DMTF1: variants seen among roughly 807,000 people sequenced by gnomAD.
DMTF1 encodes the protein cyclin-D-binding Myb-like transcription factor 1.
Under a neutral mutation model 91.1 loss-of-function variants are expected in DMTF1, and 39 were observed. The ratio of observed to expected loss-of-function variants is 0.43; its 90% CI spans 0.33 to 0.56. DMTF1 has a LOEUF of 0.56. DMTF1 is among the 20% of genes least tolerant of loss of function. The probability of loss-of-function intolerance (pLI) is 0.05; values close to 1 mark genes in which losing one functional copy is unlikely to be tolerated. For missense variants in DMTF1, 750 were observed against 914.5 expected, an observed-to-expected ratio of 0.82 and a Z score of 2.32; for synonymous variants, 338 against 309.5, an observed-to-expected ratio of 1.09 and a Z score of -0.97.
At chr7:87,182,928 G>T (rs73206986) in intron 10 of DMTF1, among the ~76,000 whole-genome samples, 2 of 152,160 alleles carry the variant, frequency 1.3e-5, no homozygotes, top group Non-Finnish European at 2.9e-5. Context: ...TAATCTTTGC[G>T]ACCAACAACG....
intron 12 of DMTF1, 93 bp downstream of exon 12, chr7:87,186,073 A>C: frequency 7.3e-7 from 1 of 1,362,812 alleles, no homozygotes; most frequent in Non-Finnish European, 1.0e-6. Flanking sequence ...CCCCAGCTAG[A>C]GATATCATAG....
rs1316064073 is a variant in DMTF1, at chr7:87,190,994, C to G, written c.1461C>G (p.Asn487Lys). 6.2e-7 allele frequency: 1 copy of G among 1,609,590 alleles called. No individual in the cohort carries two copies. Among genetic ancestry groups the G allele is most frequent in the Non-Finnish European group, 8.5e-7 (1 of 1,177,248 alleles). Residue 487 changes from asparagine to lysine, a missense_variant, in exon 14 of 18, where the codon AAC becomes AAG. Asn to Lys is a moderately conservative substitution (Grantham distance 94). Transcript: ENST00000331242. ...ATVDSETITL[N>K]SGTLQTFEIL... ...TTGACTCAGAAACAATAACACTAAACAGTGGAACACTACAGACATTTGAGA... is the reference window on the plus strand; with the variant it reads ...TTGACTCAGAAACAATAACACTAAAGAGTGGAACACTACAGACATTTGAGA...
intron 5 of DMTF1, 94 bp downstream of exon 5, chr7:87,171,183 G>A (rs995681230): frequency 9.9e-6 from 8 of 810,962 alleles, no homozygotes; most frequent in Admixed American, 7.9e-5. Flanking sequence ...CCCAAGTAGC[G>A]AGGACTACTG....
rs1003083775 is a variant in DMTF1, at chr7:87,164,951, G to A, written c.10G>A (p.Val4Met). The change falls in exon 3 of 18, where the codon GTG (valine) becomes ATG (methionine). Residue 4 changes from valine to methionine, a missense_variant. Val to Met is a conservative substitution (Grantham distance 21, BLOSUM62 1). Coordinates refer to ENST00000331242, the MANE Select transcript of DMTF1 (RefSeq NM_001142327.2). The part of the protein sequence containing the change: MST[V>M]EEDSDTVTVE... ...TTGTACAGATTTGAGTATGAGCACA[G>A]TGGAAGAGGATTCTGACACAGTAAC... 1.9e-6 allele frequency: 3 copies of A among 1,607,902 alleles called. No homozygotes were observed. Among genetic ancestry groups the A allele is most frequent in the Non-Finnish European group, 2.5e-6 (3 of 1,176,714 alleles).
chr7:87,188,914 T>C (rs1465064365), intron 13 of DMTF1, among the ~76,000 whole-genome samples: 2 of 152,172 alleles, frequency 1.3e-5, no homozygotes, highest in Non-Finnish European at 2.9e-5. Flanking sequence ...TCTTGAATTA[T>C]AGTGACAAAA....
intron 1 of DMTF1, 167 bp downstream of exon 1, chr7:87,152,722 G>C (rs1789471631): frequency 6.5e-6 from 1 of 154,002 alleles, no homozygotes; most frequent in East Asian, 1.9e-4. Flanking sequence ...CGTTGCAGCT[G>C]CCGTCCCCGC....
Position 87,195,294 on chromosome 7 carries a change from T to A in DMTF1, c.*154T>A. ...ACACATTGTTGCTGCTATGACTTTTTACCTCCTTTAAACACATCATCTGAG... is the reference window on the plus strand; with the variant it reads ...ACACATTGTTGCTGCTATGACTTTTAACCTCCTTTAAACACATCATCTGAG... On this transcript the variant is annotated 3_prime_UTR_variant, in exon 18 of 18. Transcript: ENST00000331242. 1.7e-6 allele frequency: 1 copy of A among 594,368 alleles called. No individual in the cohort carries two copies. Among genetic ancestry groups the A allele is most frequent in the Non-Finnish European group, 3.0e-6 (1 of 335,086 alleles). The allele number at this position is 594,368 out of a possible 1,614,324, so 36.8% of individuals were successfully genotyped here.
intron 1 of DMTF1, among the ~76,000 whole-genome samples, chr7:87,156,755 A>G (rs117626648): frequency 9.2e-5 from 14 of 152,274 alleles, no homozygotes; most frequent in Non-Finnish European, 1.3e-4. Context: ...TTTCAAAATA[A>G]ACATATCTTA....
chr7:87,187,985 A>C (rs1162641383), intron 12 of DMTF1, 107 bp from the exon 13 acceptor site: 3 of 765,526 alleles, frequency 3.9e-6, no homozygotes, highest in African/African-American at 1.8e-5. Flanking sequence ...GTATGCAGTT[A>C]TTTATTCCAA....
chr7:87,182,982 TC>T (rs1395527394), intron 10 of DMTF1, among the ~76,000 whole-genome samples: 1 of 151,798 alleles, frequency 6.6e-6, no homozygotes, highest in Non-Finnish European at 1.5e-5. Context: ...TTTCTGAGCC[TC>T]ACTTCCTTCT....
chr7:87,182,245 G>A lies in DMTF1; in HGVS notation c.728G>A (p.Gly243Asp). The A allele has an allele frequency of 6.2e-7, 1 of 1,614,100 alleles. No homozygotes were observed. Among genetic ancestry groups the A allele is most frequent in the South Asian group, 1.1e-5 (1 of 91,088 alleles). Residue 243 changes from glycine to aspartate, a missense_variant, in exon 10 of 18, where the codon GGC becomes GAC. Gly to Asp is a moderately conservative substitution (Grantham distance 94). Around this residue, in one of 3 missense-constraint regions of DMTF1, gnomAD observed 190 missense variants for 343.8 expected, o/e 0.55. Transcript: ENST00000331242. ...TGTTTTAGGCTCCGGATAAAGCATG[G>A]CAATGACTGGGCAACAATAGGGGCG... ...EKLKELRIKHGNDWATIGAAL... is the reference protein window; with the variant it reads ...EKLKELRIKHDNDWATIGAAL...
At chr7:87,165,306 C>G (rs1320329755) in intron 3 of DMTF1, among the ~76,000 whole-genome samples, 19 of 152,008 alleles carry the variant, frequency 1.2e-4, no homozygotes. Context: ...CTAATTGGTA[C>G]CAGCAGCATA....
At chr7:87,157,379 G>C (rs570176872) in intron 1 of DMTF1, among the ~76,000 whole-genome samples, 1 of 152,238 alleles carries the variant, frequency 6.6e-6, no homozygotes, top group African/African-American at 2.4e-5. Context: ...TTCCTGTGCT[G>C]CTCATGATTG....
Position 87,169,733 on chromosome 7 carries a change from TC to T in DMTF1, c.233-1259del, listed in dbSNP as rs1554337375. Among the ~76,000 whole-genome samples, 3 of 152,290 alleles carry T rather than the reference TC, an allele frequency of 2.0e-5. No individual in the cohort carries two copies. The South Asian group carries it at 6.2e-4, about 32-fold the overall frequency. The stretch of plus-strand genomic sequence containing the variant: ...TTTGACAATATTTATTACTCCCTCC[TC>T]CCTGAAACGTTTTCACTTGGCCTGT... On this transcript the variant is annotated intron_variant, in intron 4 of 17. Coordinates refer to ENST00000331242, the MANE Select transcript of DMTF1 (RefSeq NM_001142327.2).
intron 2 of DMTF1, among the ~76,000 whole-genome samples, chr7:87,164,642 G>A (rs1038586104): frequency 3.3e-5 from 5 of 152,096 alleles, no homozygotes; most frequent in African/African-American, 9.7e-5. Context: ...CTGATAAGAC[G>A]GATTCTCTTT....
intron 9 of DMTF1, 127 bp from the exon 10 acceptor site, chr7:87,182,087 TTCAAACTTTGGCTC>T: frequency 6.5e-7 from 1 of 1,541,518 alleles, no homozygotes; most frequent in Non-Finnish European, 8.7e-7. Context: ...AGGCCACACT[TTCAAACTTTGGCTC>T]TCAAAGTATT....
At chr7:87,155,227 C>A (rs533457105) in intron 1 of DMTF1, among the ~76,000 whole-genome samples, 9 of 152,282 alleles carry the variant, frequency 5.9e-5, no homozygotes, top group African/African-American at 2.2e-4. Flanking sequence ...CTGTCTGTTG[C>A]AAAGACATCA....
At chr7:87,174,735 A>T in intron 7 of DMTF1, 66 bp downstream of exon 7, 2 of 1,146,656 alleles carry the variant, frequency 1.7e-6, no homozygotes, top group South Asian at 2.7e-5. Context: ...ATATCAACAC[A>T]GAATGTTGTG....
At chr7:87,193,683 C>T in intron 15 of DMTF1, 42 bp from the exon 16 acceptor site, 1 of 1,527,468 alleles carries the variant, frequency 6.5e-7, no homozygotes, top group Non-Finnish European at 8.8e-7. Flanking sequence ...CCATAAATGT[C>T]ATTTGATTTA....
Sources: gnomAD v4.1 joint callset for allele counts (sites outside exome capture counted in the v4.1 genomes callset) on GRCh38, gnomAD v4.1.1 for gene constraint, gnomAD v4.1.1 regional missense constraint, MANE v1.5 for transcripts, NCBI Gene and HGNC (gene_info 2026-07-23, HGNC 2026-07-21) for gene names.